The following ZNF318 variants were observed in gnomAD, a reference collection of about 807,000 sequenced individuals.
ZNF318 encodes the protein endocrine regulator.
ZNF318 carries 51 observed loss-of-function variants against 124.2 expected under a neutral mutation model. The ratio of observed to expected loss-of-function variants is 0.41; its 90% CI spans 0.33 to 0.52. The LOEUF is 0.52. Ranked by LOEUF, ZNF318 falls within the 20% of genes least tolerant of loss-of-function variation. The pLI, the probability that ZNF318 is intolerant of heterozygous loss-of-function variation, is 0.23. For missense variants in ZNF318, 2,815 were observed against 2,811.2 expected (o/e 1.00, Z -0.03); for synonymous variants, 1,090 against 1,040.7 (o/e 1.05, Z -0.91).
At chr6:43,352,256 T>TC (rs1554194964) in intron 5 of ZNF318, 121 bp downstream of exon 5, 512 of 723,394 alleles carry the variant, frequency 7.1e-4, no homozygotes, top group South Asian at 1.0e-3. Context: ...TTTGTAAGTT[T>TC]AATTACGTCA....
chr6:43,360,870 G>A (rs1779672415), intron 2 of ZNF318, among the ~76,000 whole-genome samples: 2 of 152,190 alleles, frequency 1.3e-5, no homozygotes, highest in Admixed American at 6.5e-5. Context: ...TATATGAAAT[G>A]TCCAGAACGG....
intron 2 of ZNF318, among the ~76,000 whole-genome samples, chr6:43,359,028 T>TG (rs1351837567): frequency 1.3e-5 from 2 of 152,002 alleles, no homozygotes; most frequent in East Asian, 1.9e-4. Context: ...ATAATTCAAT[T>TG]GGGAAAAAAA....
Position 43,368,399 on chromosome 6 carries a change from CAT to C in ZNF318, c.399+566_399+567del, listed in dbSNP as rs1222235172. Among the ~76,000 whole-genome samples the C allele has an allele frequency of 3.3e-5, 5 of 152,214 alleles. 1 individual carries two copies. The highest frequency in any genetic ancestry group is 4.1e-4 in the South Asian group (2 of 4,830). On this transcript the variant is annotated intron_variant, in intron 1 of 9. Coordinates refer to ENST00000361428, the MANE Select transcript of ZNF318 (RefSeq NM_014345.3). ...GTGAAAGGCTAGGCATAATTCCTGA[CAT>C]AGAACTCGATAAGAGGTAGTGGCTA...
intron 2 of ZNF318, among the ~76,000 whole-genome samples, chr6:43,362,913 T>C (rs1178270747): frequency 3.9e-5 from 6 of 152,190 alleles, no homozygotes; most frequent in South Asian, 2.1e-4. Context: ...CTGGTTTTAG[T>C]GGACAGTAAT....
intron 1 of ZNF318, among the ~76,000 whole-genome samples, chr6:43,367,852 A>C (rs914926177): frequency 1.4e-4 from 22 of 152,142 alleles, no homozygotes; most frequent in Non-Finnish European, 2.8e-4. Context: ...AAAAAGCAGA[A>C]CTTTGTTACT....
At chr6:43,354,272 G>A (rs1463302557) in intron 4 of ZNF318, among the ~76,000 whole-genome samples, 1 of 152,186 alleles carries the variant, frequency 6.6e-6, no homozygotes, top group Non-Finnish European at 1.5e-5. Context: ...TACAGGGTAA[G>A]AATACAGAAT....
At position 43,354,879 on chromosome 6, in the gene ZNF318, G is replaced by A. The variant is rs1419566200; in HGVS notation, c.2455C>T (p.His819Tyr). 6.2e-7 allele frequency: 1 copy of A among 1,614,174 alleles called. No individual in the cohort carries two copies. Among genetic ancestry groups the A allele is most frequent in the South Asian group, 1.1e-5 (1 of 91,074 alleles). ...QPSNHPVPEP[H>Y]RIMPITKQAT... is the part of the protein sequence containing the mutation. ...TGTTTGGTTATTGGCATTATCCTGTGTGGTTCAGGTACAGGGTGGTTTGAC... is the reference window on the plus strand; with the variant it reads ...TGTTTGGTTATTGGCATTATCCTGTATGGTTCAGGTACAGGGTGGTTTGAC... Residue 819 changes from histidine to tyrosine, a missense_variant, in exon 4 of 10, where the codon CAC becomes TAC. Coordinates refer to ENST00000361428, the MANE Select transcript of ZNF318 (RefSeq NM_014345.3).
intron 5 of ZNF318, among the ~76,000 whole-genome samples, chr6:43,350,801 G>C (rs147728545): frequency 6.6e-6 from 1 of 152,060 alleles, no homozygotes; most frequent in Non-Finnish European, 1.5e-5. Flanking sequence ...GTGACACAGC[G>C]AGACCCTGTC....
In ZNF318 at chr6:43,357,251, A is replaced by C. The variant is rs1312786703; in HGVS notation, c.1063T>G (p.Ser355Ala). The C allele has an allele frequency of 1.2e-6, 2 of 1,614,194 alleles. No individual in the cohort carries two copies. The highest frequency in any genetic ancestry group is 1.7e-6 in the Non-Finnish European group (2 of 1,180,030). The change falls in exon 3 of 10, where the codon TCA becomes GCA. Residue 355 changes from serine to alanine, a missense_variant. By Grantham distance (99) the Ser-to-Ala change is moderately conservative (BLOSUM62 1). Coordinates refer to ENST00000361428, the MANE Select transcript of ZNF318 (RefSeq NM_014345.3). ...GGTGCSIPGL[S>A]GVLTASEPGY... Reference sequence around the variant, plus strand: ...GGCTCCGATGCTGTTAGGACACCTGACAATCCAGGGATGGAACAGCCAGTA... The same window carrying C: ...GGCTCCGATGCTGTTAGGACACCTGCCAATCCAGGGATGGAACAGCCAGTA...
In ZNF318 at chr6:43,343,297, G is replaced by T. The variant is rs551677237; in HGVS notation, c.3073-418C>A. 2.0e-5 allele frequency among the ~76,000 whole-genome samples: 3 copies of T among 152,220 alleles called. No homozygotes were observed. In the South Asian group the frequency reaches 6.2e-4, roughly 32 times the overall value. ...AAATTTGAAAATCATGACAGCTAGG[G>T]AGGGAAGAAAAACCAATATGGAAAA... On this transcript the variant is annotated intron_variant, in intron 6 of 9. Transcript: ENST00000361428.
chr6:43,357,964 C>T (rs1159700284), intron 2 of ZNF318, among the ~76,000 whole-genome samples, 199 bp from the exon 3 acceptor site: 1 of 152,058 alleles, frequency 6.6e-6, no homozygotes, highest in Non-Finnish European at 1.5e-5. Context: ...GTAATATTAC[C>T]AACATATCTA....
chr6:43,346,802 G>A (rs900139123), intron 6 of ZNF318, among the ~76,000 whole-genome samples: 2 of 152,094 alleles, frequency 1.3e-5, no homozygotes, highest in Non-Finnish European at 2.9e-5. Context: ...TTGCACATCC[G>A]GAAAATTGCA....
Position 43,338,392 on chromosome 6 carries a change from G to A in ZNF318, c.5606C>T (p.Ser1869Leu), listed in dbSNP as rs539160316. ...TAAAGACCTAGCTTCTGATAAAAAT[G>A]AGTCTAATTTTGCCTTTGTGAAAGA... ...ACSFTKAKLDSFLSEARSLLN... is the reference protein window; with the variant it reads ...ACSFTKAKLDLFLSEARSLLN... The change falls in exon 10 of 10, where the codon TCA (serine) becomes TTA (leucine). Residue 1869 changes from serine (S) to leucine (L), a missense_variant. Ser to Leu is a moderately radical substitution (Grantham distance 145, BLOSUM62 -2). Coordinates refer to ENST00000361428, the MANE Select transcript of ZNF318 (RefSeq NM_014345.3). The A allele has an allele frequency of 8.1e-6, 13 of 1,614,182 alleles. No individual in the cohort carries two copies. The Admixed American group carries it at 1.2e-4, about 14-fold the overall frequency.
chr6:43,357,185 G>A lies in ZNF318; in HGVS notation c.1129C>T (p.Pro377Ser), dbSNP rs767706655. The A allele has an allele frequency of 2.5e-6, 4 of 1,614,126 alleles. No homozygotes were observed. The highest frequency in any genetic ancestry group is 3.4e-6 in the Non-Finnish European group (4 of 1,180,016). ...LHRPEEVSVM[P>S]KKSILKKRIE... is the part of the protein sequence containing the mutation. ...CGCTTCTTCAAAATGGATTTCTTGG[G>A]CATCACAGATACTTCCTCAGGCCGA... The change falls in exon 3 of 10, where the codon CCC (proline) becomes TCC (serine). Residue 377 changes from proline (P) to serine (S), a missense_variant. Coordinates refer to ENST00000361428, the MANE Select transcript of ZNF318 (RefSeq NM_014345.3).
At position 43,356,011 on chromosome 6, in the gene ZNF318, A is replaced by C. The variant is rs755563629; in HGVS notation, c.1323T>G (p.Thr441=). ...GGTTGCCCTGAGGTTCCTTCAAGGC[A>C]GTCTCTACCATAGTCCCCTTGTTTT... is the stretch of plus-strand genomic sequence containing the variant. ...EIENKGTMVE[T]ALKEPQGNLY... Residue 441 remains threonine, a synonymous_variant, in exon 4 of 10, where the codon ACT becomes ACG. Coordinates refer to ENST00000361428, the MANE Select transcript of ZNF318 (RefSeq NM_014345.3). 5.0e-5 allele frequency: 81 copies of C among 1,614,112 alleles called. No individual in the cohort carries two copies. The South Asian group carries it at 5.7e-4, about 11-fold the overall frequency.
At chr6:43,367,493 TGATGGCAGGAG>T (rs1779777778) in intron 1 of ZNF318, among the ~76,000 whole-genome samples, 1 of 151,848 alleles carries the variant, frequency 6.6e-6, no homozygotes, top group Non-Finnish European at 1.5e-5. Flanking sequence ...TAGACCAGAG[TGATGGCAGGAG>T]GATGGCAGTT....
chr6:43,355,964 G>A lies in ZNF318; in HGVS notation c.1370C>T (p.Pro457Leu). ...AGGACTGTTGTCTTTGGGAATCCCA[G>A]GAAGGGGACCCCATTGGTAGAGGTT... is the stretch of plus-strand genomic sequence containing the variant. ...QGNLYQWGPL[P>L]GIPKDNSPLR... Residue 457 changes from proline to leucine, a missense_variant, in exon 4 of 10, where the codon CCT becomes CTT. Physicochemically the swap from Pro to Leu is moderately conservative, Grantham distance 98. Around this residue, in one of 4 missense-constraint regions of ZNF318, gnomAD observed 1,377 missense variants for 1,353.5 expected, o/e 1.02. Coordinates refer to ENST00000361428, the MANE Select transcript of ZNF318 (RefSeq NM_014345.3). 6.2e-7 allele frequency: 1 copy of A among 1,614,218 alleles called. No individual in the cohort carries two copies. The highest frequency in any genetic ancestry group is 8.5e-7 in the Non-Finnish European group (1 of 1,180,036).
intron 3 of ZNF318, 23 bp downstream of exon 3, chr6:43,357,103 C>T: frequency 6.3e-7 from 1 of 1,585,618 alleles, no homozygotes; most frequent in South Asian, 1.2e-5. Flanking sequence ...AGCAAGAGGC[C>T]CTACAAGAAA....
At position 43,368,951 on chromosome 6, in the gene ZNF318, C is replaced by T; in HGVS notation, c.399+16G>A. 2 of 1,375,256 alleles carry T rather than the reference C, an allele frequency of 1.5e-6. No homozygotes were observed. The highest frequency in any genetic ancestry group is 1.6e-5 in the South Asian group (1 of 63,746). The allele number at this position is 1,375,256 out of a possible 1,614,324, so 85.2% of individuals were successfully genotyped here. The stretch of plus-strand genomic sequence containing the variant: ...ACTGGGGGATGGAGGGAGTCCTGGA[C>T]GAGGGGTGGGATTACCCGGCTGCCG... On this transcript the variant is annotated intron_variant, in intron 1 of 9. Transcript: ENST00000361428.
Sources: allele counts gnomAD v4.1 joint callset (sites outside exome capture counted in the v4.1 genomes callset), GRCh38; gene constraint gnomAD v4.1.1; regional missense constraint gnomAD v4.1.1; transcripts MANE v1.5; gene names NCBI Gene and HGNC (gene_info 2026-07-23, HGNC 2026-07-21).